The following DOCK10 variants were observed in gnomAD, a reference collection of about 807,000 sequenced individuals.
DOCK10 encodes the protein dedicator of cytokinesis protein 10.
Under a neutral mutation model 280.1 loss-of-function variants are expected in DOCK10, and 145 were observed. That is an observed-to-expected ratio of 0.52 (90% confidence interval 0.45 to 0.59). DOCK10 has a LOEUF of 0.59. DOCK10 is among the 20% of genes least tolerant of loss of function. The pLI is 0.00. For missense variants in DOCK10, 2,368 were observed against 2,651.7 expected, an observed-to-expected ratio of 0.89 and a Z score of 2.35; for synonymous variants, 915 against 942.2, an observed-to-expected ratio of 0.97 and a Z score of 0.53.
intron 30 of DOCK10, among the ~76,000 whole-genome samples, chr2:224,815,113 T>TCC: frequency 6.6e-6 from 1 of 152,114 alleles, no homozygotes; most frequent in African/African-American, 2.4e-5. Context: ...GGGGACAGTT[T>TCC]CCCCCGTGCT....
intron 1 of DOCK10, among the ~76,000 whole-genome samples, chr2:224,988,655 T>A (rs1706040661): frequency 6.6e-6 from 1 of 152,188 alleles, no homozygotes; most frequent in African/African-American, 2.4e-5. Context: ...TGAGAGCTGG[T>A]CTGTCCCTCA....
chr2:224,985,746 C>T (rs1390770788), intron 1 of DOCK10, among the ~76,000 whole-genome samples: 1 of 152,112 alleles, frequency 6.6e-6, no homozygotes, highest in Non-Finnish European at 1.5e-5. Context: ...CTGTAGACTG[C>T]CCATCCTTCT....
Position 224,983,738 on chromosome 2 carries a change from TTTTTC to T in DOCK10, c.124-52075_124-52071del, listed in dbSNP as rs1448816890. On this transcript the variant is annotated intron_variant, in intron 1 of 55. Coordinates refer to ENST00000258390, the MANE Select transcript of DOCK10 (RefSeq NM_014689.3). ...ACCCCAGAGAAGTAAAACATGCTTC[TTTTTC>T]TTTTAAGAAGTACTGGCTGCCAGTA... The T allele has an allele frequency of 4.0e-5, 19 of 470,858 alleles. No individual in the cohort carries two copies. In the East Asian group the frequency reaches 1.3e-3, roughly 31 times the overall value. The allele number at this position is 470,858 out of a possible 1,614,324, so 29.2% of individuals were successfully genotyped here. A position where few individuals can be genotyped will look rare whatever the true frequency, so the allele number is the denominator to read the frequency against.
At position 224,794,958 on chromosome 2, in the gene DOCK10, T is replaced by G; in HGVS notation, c.5075A>C (p.Tyr1692Ser). ...VDLQYSLANSYASTPELRRTW... is the reference protein window; with the variant it reads ...VDLQYSLANSSASTPELRRTW... The stretch of plus-strand genomic sequence containing the variant: ...CCTGCGTAGTTCAGGAGTGCTTGCG[T>G]AGGAGTTTGCCAGGCTGTACTGGAG... The change falls in exon 45 of 56, where the codon TAC becomes TCC. Residue 1692 changes from tyrosine (Y) to serine (S), a missense_variant. By Grantham distance (144) the Tyr-to-Ser change is moderately radical. Around this residue, in one of 2 missense-constraint regions of DOCK10, gnomAD observed 1,159 missense variants for 1,400.8 expected, o/e 0.83. Transcript: ENST00000258390. 1 of 1,613,898 alleles carries G rather than the reference T, an allele frequency of 6.2e-7. No individual in the cohort carries two copies. Among genetic ancestry groups the G allele is most frequent in the East Asian group, 2.2e-5 (1 of 44,878 alleles).
intron 50 of DOCK10, among the ~76,000 whole-genome samples, chr2:224,779,824 T>C (rs983726276): frequency 2.0e-5 from 3 of 152,202 alleles, no homozygotes; most frequent in African/African-American, 7.2e-5. Context: ...CAGAAGCCAA[T>C]GAACAAGGTC....
chr2:224,767,491 G>T (rs1322457723), intron 55 of DOCK10, among the ~76,000 whole-genome samples: 2 of 152,096 alleles, frequency 1.3e-5, no homozygotes, highest in Non-Finnish European at 2.9e-5. Flanking sequence ...CTAACCCTGG[G>T]ATTAAAGAAG....
intron 2 of DOCK10, among the ~76,000 whole-genome samples, chr2:224,924,743 G>C (rs1701962786): frequency 6.6e-6 from 1 of 152,150 alleles, no homozygotes; most frequent in Non-Finnish European, 1.5e-5. Context: ...CATTCTTACT[G>C]AAATGAAATA....
intron 1 of DOCK10, among the ~76,000 whole-genome samples, chr2:225,036,844 G>T (rs1193900272): frequency 2.0e-5 from 3 of 151,278 alleles, no homozygotes; most frequent in African/African-American, 7.3e-5. Flanking sequence ...TAATAGTGAT[G>T]TATTTTATTT....
chr2:224,891,195 C>A (rs10202066), intron 4 of DOCK10, among the ~76,000 whole-genome samples: 1 of 151,944 alleles, frequency 6.6e-6, no homozygotes, highest in Non-Finnish European at 1.5e-5. Flanking sequence ...TCATTGTACA[C>A]CAATCTTTTA....
At chr2:224,985,515 T>C (rs1276166460) in intron 1 of DOCK10, among the ~76,000 whole-genome samples, 2 of 151,512 alleles carry the variant, frequency 1.3e-5, no homozygotes, top group Non-Finnish European at 2.9e-5. Flanking sequence ...TTAATGCTCA[T>C]AGGAAATGGA....
chr2:224,832,322 C>T (rs556734591), intron 26 of DOCK10, among the ~76,000 whole-genome samples: 46 of 152,234 alleles, frequency 3.0e-4, no homozygotes, highest in African/African-American at 1.0e-3. Context: ...TTCTGTGGTT[C>T]GTTTATGTTG....
chr2:224,903,978 T>C (rs1700451540), intron 3 of DOCK10, among the ~76,000 whole-genome samples: 1 of 152,224 alleles, frequency 6.6e-6, no homozygotes, highest in Non-Finnish European at 1.5e-5. Context: ...TATTTTATCC[T>C]AAGTTCAGTA....
chr2:224,781,722 T>C (rs1215122381), intron 50 of DOCK10, among the ~76,000 whole-genome samples: 2 of 152,214 alleles, frequency 1.3e-5, no homozygotes, highest in Non-Finnish European at 2.9e-5. Context: ...GTAAACACCT[T>C]CTTCTGCTCT....
chr2:225,006,143 C>T (rs2126291389), intron 1 of DOCK10, among the ~76,000 whole-genome samples: 1 of 152,246 alleles, frequency 6.6e-6, no homozygotes, highest in Admixed American at 6.5e-5. Context: ...AATACGAAAA[C>T]CATCTTCATT....
chr2:224,879,549 G>C (rs13399119), intron 7 of DOCK10, among the ~76,000 whole-genome samples: 27,351 of 152,084 alleles, frequency 0.18, 4,111 homozygotes, highest in African/African-American at 0.42. Flanking sequence ...CTTGAGGCCA[G>C]GAGTTTAAGA....
intron 18 of DOCK10, among the ~76,000 whole-genome samples, chr2:224,850,094 C>T (rs1574934816): frequency 6.6e-6 from 1 of 152,106 alleles, no homozygotes; most frequent in Non-Finnish European, 1.5e-5. Flanking sequence ...AAATCACACT[C>T]CCCCCAGTAC....
At position 224,974,035 on chromosome 2, in the gene DOCK10, C is replaced by T. The variant is rs535770839; in HGVS notation, c.124-42367G>A. 7.2e-5 allele frequency among the ~76,000 whole-genome samples: 11 copies of T among 152,244 alleles called. No individual in the cohort carries two copies. The South Asian group carries it at 2.3e-3, about 32-fold the overall frequency. ...TGACTGATTTGAGGAGGTGCGATGT[C>T]CAAAGGATGCAGTTTTAAGGTAAGG... On this transcript the variant is annotated intron_variant, in intron 1 of 55. Coordinates refer to ENST00000258390, the MANE Select transcript of DOCK10 (RefSeq NM_014689.3).
Position 224,775,086 on chromosome 2 carries a change from A to C in DOCK10, c.5832T>G (p.Tyr1944Ter). 1.9e-6 allele frequency: 3 copies of C among 1,614,046 alleles called. No individual in the cohort carries two copies. The highest frequency in any genetic ancestry group is 2.5e-6 in the Non-Finnish European group (3 of 1,179,892). Residue 1944 changes from tyrosine (Y) to a stop codon, truncating the protein, a stop_gained, in exon 52 of 56, where the codon TAT becomes TAG. Transcript: ENST00000258390. LOFTEE classifies it high-confidence loss of function. ...KVNPKDLDPK[Y>*]AYIQVTYVTP... ...TCACATAGGTCACCTGGATGTAGGC[A>C]TATTTGGGGTCCAAATCCTTGGGGT...
intron 3 of DOCK10, among the ~76,000 whole-genome samples, chr2:224,915,131 C>G (rs1437406144): frequency 1.3e-5 from 2 of 152,106 alleles, no homozygotes; most frequent in Admixed American, 1.3e-4. Context: ...GTTAAACTTC[C>G]CCATTAGGAA....
Sources: allele counts gnomAD v4.1 joint callset (sites outside exome capture counted in the v4.1 genomes callset), GRCh38; gene constraint gnomAD v4.1.1; regional missense constraint gnomAD v4.1.1; transcripts MANE v1.5; gene names NCBI Gene and HGNC (gene_info 2026-07-23, HGNC 2026-07-21).